Variants in CDC73 observed in about 807,000 individuals in gnomAD.
The protein encoded by CDC73 is parafibromin.
Under a neutral mutation model 83.7 loss-of-function variants are expected in CDC73, and 21 were observed. The observed-to-expected ratio is 0.25, with a 90% CI of 0.18 to 0.36. The LOEUF is 0.36. CDC73 is among the 10% of genes least tolerant of loss of function. CDC73 has a pLI of 1.00. For missense variants in CDC73, 342 were observed against 653.3 expected (o/e 0.52, Z 5.19); for synonymous variants, 224 against 212.9 (o/e 1.05, Z -0.45).
chr1:193,143,389 C>G (rs1470076379), intron 7 of CDC73, among the ~76,000 whole-genome samples: 1 of 152,140 alleles, frequency 6.6e-6, no homozygotes, highest in East Asian at 1.9e-4. Context: ...AAATCTCAAA[C>G]TCATAGTAGA....
rs1179161122 is a variant in CDC73, at chr1:193,181,329, G to A, written c.973-22466G>A. ...CTGTTTCTTTCCAAATGTTCCGAAG[G>A]GAGCTGTGGTTTGTCTCACTTTTTG... On this transcript the variant is annotated intron_variant, in intron 10 of 16. Transcript: ENST00000367435. 7 of 1,613,930 alleles carry A rather than the reference G, an allele frequency of 4.3e-6. No individual in the cohort carries two copies. The African/African-American group carries it at 6.7e-5, about 15-fold the overall frequency.
At chr1:193,188,880 G>C (rs1676870634) in intron 10 of CDC73, among the ~76,000 whole-genome samples, 1 of 151,806 alleles carries the variant, frequency 6.6e-6, no homozygotes, top group South Asian at 2.1e-4. Flanking sequence ...ACTAACAAAA[G>C]GTGCCTATGT....
intron 14 of CDC73, among the ~76,000 whole-genome samples, chr1:193,236,049 A>G (rs1677752296): frequency 6.6e-6 from 1 of 152,354 alleles, no homozygotes; most frequent in Non-Finnish European, 1.5e-5. Context: ...ATACATGAGA[A>G]GTATAGCAAT....
intron 10 of CDC73, among the ~76,000 whole-genome samples, chr1:193,201,249 T>C (rs1677086194): frequency 6.6e-6 from 1 of 152,128 alleles, no homozygotes; most frequent in Non-Finnish European, 1.5e-5. Flanking sequence ...TGAAAGTGTG[T>C]GTGGGGTTTG....
chr1:193,205,155 A>T, intron 11 of CDC73, among the ~76,000 whole-genome samples: 1 of 129,138 alleles, frequency 7.7e-6, no homozygotes, highest in Admixed American at 7.7e-5. Flanking sequence ...TTATTTTTAC[A>T]TTTATTTAGC....
chr1:193,193,059 C>T (rs976584003), intron 10 of CDC73, among the ~76,000 whole-genome samples: 3 of 152,144 alleles, frequency 2.0e-5, no homozygotes, highest in Admixed American at 2.0e-4. Context: ...TTTATAATTT[C>T]TCCCACCACC....
intron 10 of CDC73, among the ~76,000 whole-genome samples, chr1:193,163,497 AC>A (rs1254868092): frequency 6.6e-6 from 1 of 151,804 alleles, no homozygotes; most frequent in Non-Finnish European, 1.5e-5. Context: ...ACAGAATGAG[AC>A]CCTGCCCGCC....
rs1386267118 is a variant in CDC73 at position 193,236,287 on chromosome 1, C to T, written c.1348C>T (p.Pro450Ser). Residue 450 changes from proline to serine, a missense_variant, in exon 15 of 17, where the codon CCT becomes TCT. By Grantham distance (74) the Pro-to-Ser change is moderately conservative. This residue lies in a region of CDC73 where 239 missense variants were observed against 420.6 expected (regional missense o/e 0.57). Coordinates refer to ENST00000367435, the MANE Select transcript of CDC73 (RefSeq NM_024529.5). ...CGTTGTAGCCGTTTTTGTGCAGGGTCCTGCATGGCAGTTCAAAGGTTGGCC... is the reference window on the plus strand; with the variant it reads ...CGTTGTAGCCGTTTTTGTGCAGGGTTCTGCATGGCAGTTCAAAGGTTGGCC... ...DRVVAVFVQG[P>S]AWQFKGWPWL... 6.2e-7 allele frequency: 1 copy of T among 1,614,032 alleles called. No individual in the cohort carries two copies.
chr1:193,188,818 G>A (rs1354143034), intron 10 of CDC73, among the ~76,000 whole-genome samples: 1 of 151,912 alleles, frequency 6.6e-6, no homozygotes, highest in Admixed American at 6.6e-5. Context: ...CCCCCGCCCC[G>A]AACTGCTTGT....
chr1:193,244,545 C>G (rs935868133), intron 15 of CDC73, among the ~76,000 whole-genome samples: 2 of 152,142 alleles, frequency 1.3e-5, no homozygotes, highest in African/African-American at 4.8e-5. Flanking sequence ...GAGACCCTGT[C>G]TCAAACTGAA....
intron 10 of CDC73, among the ~76,000 whole-genome samples, chr1:193,196,902 C>T (rs74902949): frequency 0.022 from 3,398 of 152,202 alleles, 131 homozygotes; most frequent in African/African-American, 0.079. Flanking sequence ...ACATATTTTA[C>T]CTCTTCCTTT....
chr1:193,216,364 C>T (rs1001109819), intron 13 of CDC73, among the ~76,000 whole-genome samples: 1 of 152,138 alleles, frequency 6.6e-6, no homozygotes. Flanking sequence ...CTCCTAGAAA[C>T]ATATAATCTC....
chr1:193,148,094 C>G, intron 8 of CDC73, 129 bp downstream of exon 8: 1 of 722,522 alleles, frequency 1.4e-6, no homozygotes, highest in South Asian at 1.5e-5. Flanking sequence ...TTTAGCATAT[C>G]TGAAAGATGT....
At chr1:193,239,389 A>C (rs180917215) in intron 15 of CDC73, among the ~76,000 whole-genome samples, 1 of 151,614 alleles carries the variant, frequency 6.6e-6, no homozygotes. Context: ...ATTTGGGAGC[A>C]TCTCTGTGGG....
chr1:193,152,319 T>C (rs1676128162), intron 9 of CDC73, 61 bp from the exon 10 acceptor site: 2 of 1,030,994 alleles, frequency 1.9e-6, no homozygotes, highest in Non-Finnish European at 3.1e-6. Flanking sequence ...TTTAGATTTG[T>C]TATAGGTCAT....
intron 15 of CDC73, among the ~76,000 whole-genome samples, chr1:193,245,549 A>G (rs1572223699): frequency 6.6e-6 from 1 of 152,278 alleles, no homozygotes; most frequent in Non-Finnish European, 1.5e-5. Flanking sequence ...GGTTGATTAC[A>G]TATCTTTGCT....
chr1:193,160,937 A>G (rs1258753479), intron 10 of CDC73, among the ~76,000 whole-genome samples: 1 of 151,978 alleles, frequency 6.6e-6, no homozygotes, highest in Non-Finnish European at 1.5e-5. Context: ...TTGTAAATTG[A>G]TTTAGATTTT....
At chr1:193,245,244 C>T (rs746829552) in intron 15 of CDC73, among the ~76,000 whole-genome samples, 3 of 152,070 alleles carry the variant, frequency 2.0e-5, no homozygotes, top group Admixed American at 1.3e-4. Flanking sequence ...TTCTTCTATC[C>T]AGTCATAACA....
rs545666726 is a variant in CDC73, at chr1:193,122,189, AG to A, written c.-4del. On this transcript the variant is annotated 5_prime_UTR_variant, in exon 1 of 17. Coordinates refer to ENST00000367435, the MANE Select transcript of CDC73 (RefSeq NM_024529.5). Reference sequence around the variant, plus strand: ...GCGGCGCCCCGAGCCGGCGGAGGCGAGGGGGGGGAAGATGGCGGACGTGCTT... The same window carrying A: ...GCGGCGCCCCGAGCCGGCGGAGGCGAGGGGGGGAAGATGGCGGACGTGCTT... The A allele has an allele frequency of 2.1e-4, 345 of 1,608,924 alleles. 2 individuals are homozygous for A. In the African/African-American group the frequency reaches 3.2e-3, roughly 15 times the overall value.
Sources: allele counts gnomAD v4.1 joint callset (sites outside exome capture counted in the v4.1 genomes callset), GRCh38; gene constraint gnomAD v4.1.1; regional missense constraint gnomAD v4.1.1; transcripts MANE v1.5; gene names NCBI Gene and HGNC (gene_info 2026-07-23, HGNC 2026-07-21).